Variants in UBR3 observed in about 807,000 individuals in gnomAD.
The protein encoded by UBR3 is E3 ubiquitin-protein ligase UBR3.
A neutral mutation model predicts 243.2 loss-of-function variants in UBR3; 85 were observed. The ratio of observed to expected loss-of-function variants is 0.35; its 90% CI spans 0.29 to 0.42. The LOEUF is 0.42. Among genes scored for constraint, UBR3 ranks in the 10% least tolerant of loss-of-function variants. The pLI is 1.00. For synonymous variants in UBR3, 748 were observed against 799.8 expected (o/e 0.94, Z 1.09); for missense variants, 1,686 against 2,300.8 (o/e 0.73, Z 5.47).
chr2:170,032,692 C>T (rs991593266), intron 31 of UBR3, among the ~76,000 whole-genome samples: 1 of 135,890 alleles, frequency 7.4e-6, no homozygotes, highest in Non-Finnish European at 1.5e-5. Context: ...CAGGTTATAA[C>T]CTTTTGGCAG....
chr2:169,999,580 G>A (rs1479776099), intron 26 of UBR3, among the ~76,000 whole-genome samples: 3 of 152,064 alleles, frequency 2.0e-5, no homozygotes, highest in Non-Finnish European at 4.4e-5. Context: ...ATCATATGTT[G>A]CCAGTCCTGT....
chr2:170,005,924 T>C (rs1028185554), intron 27 of UBR3, among the ~76,000 whole-genome samples: 10 of 152,004 alleles, frequency 6.6e-5, no homozygotes, highest in African/African-American at 2.4e-4. Flanking sequence ...GACAAGGGAA[T>C]GCAGGAGTAA....
intron 1 of UBR3, among the ~76,000 whole-genome samples, chr2:169,861,294 T>A (rs988761518): frequency 2.0e-5 from 3 of 149,166 alleles, no homozygotes; most frequent in African/African-American, 7.3e-5. Flanking sequence ...GTTGCAAACC[T>A]TTTTTCCTAC....
intron 24 of UBR3, among the ~76,000 whole-genome samples, chr2:169,973,515 A>G (rs2105378030): frequency 6.6e-6 from 1 of 152,112 alleles, no homozygotes; most frequent in East Asian, 1.9e-4. Context: ...ACTTCAAACT[A>G]TACTAGAAAC....
intron 11 of UBR3, among the ~76,000 whole-genome samples, chr2:169,918,621 C>T (rs1262473494): frequency 6.6e-6 from 1 of 151,630 alleles, no homozygotes; most frequent in Non-Finnish European, 1.5e-5. Flanking sequence ...TGTGCCTGGC[C>T]AATAATATGT....
At chr2:170,040,057 C>A (rs2090928617) in intron 31 of UBR3, among the ~76,000 whole-genome samples, 3 of 151,822 alleles carry the variant, frequency 2.0e-5, no homozygotes, top group Admixed American at 2.0e-4. Context: ...ATTTTAAGTT[C>A]TGCTTTGGTT....
At chr2:169,915,341 C>A (rs1229482973) in intron 11 of UBR3, among the ~76,000 whole-genome samples, 2 of 152,072 alleles carry the variant, frequency 1.3e-5, no homozygotes, top group Non-Finnish European at 2.9e-5. Context: ...TCAAACAATT[C>A]TCCTGTCTCA....
At chr2:170,077,988 C>T in intron 36 of UBR3, 1 of 641,012 alleles carries the variant, frequency 1.6e-6, no homozygotes, top group East Asian at 3.2e-5. Flanking sequence ...TCGGCTTAAT[C>T]ATACTGGGAA....
At chr2:169,843,495 C>T (rs1040466239) in intron 1 of UBR3, among the ~76,000 whole-genome samples, 1 of 152,206 alleles carries the variant, frequency 6.6e-6, no homozygotes, top group African/African-American at 2.4e-5. Flanking sequence ...CCCAAAGGCC[C>T]TGCCTCTTAA....
chr2:169,926,589 AAAAAAC>A, intron 14 of UBR3, 97 bp from the exon 15 acceptor site: 1 of 183,550 alleles, frequency 5.4e-6, no homozygotes, highest in Non-Finnish European at 1.1e-5. Flanking sequence ...TCTCAAAAAC[AAAAAAC>A]AAAAAACAAA....
chr2:169,994,504 T>C, intron 26 of UBR3, 48 bp downstream of exon 26: 1 of 1,557,422 alleles, frequency 6.4e-7, no homozygotes, highest in Non-Finnish European at 8.8e-7. Flanking sequence ...AGTTGATGGT[T>C]ATTTCCCTCC....
chr2:169,846,820 C>A (rs558776194), intron 1 of UBR3, among the ~76,000 whole-genome samples: 21 of 152,292 alleles, frequency 1.4e-4, no homozygotes, highest in African/African-American at 4.8e-4. Context: ...GCAGTCTTGA[C>A]TTCGTGGGCT....
chr2:169,905,006 G>A, intron 8 of UBR3, 108 bp from the exon 9 acceptor site: 1 of 912,078 alleles, frequency 1.1e-6, no homozygotes, highest in Non-Finnish European at 1.5e-6. Flanking sequence ...GAAGGCTGGG[G>A]TTTGAATTTA....
At chr2:169,884,328 A>G (rs13025202) in intron 5 of UBR3, among the ~76,000 whole-genome samples, 64,292 of 151,608 alleles carry the variant, frequency 0.42, 15,216 homozygotes, top group Non-Finnish European at 0.54. Flanking sequence ...AATTTTTTGT[A>G]TTTTTAGTAG....
chr2:170,009,436 A>G (rs2090019349), intron 29 of UBR3, among the ~76,000 whole-genome samples: 1 of 152,140 alleles, frequency 6.6e-6, no homozygotes, highest in African/African-American at 2.4e-5. Flanking sequence ...GGCATGTTCT[A>G]AACCTCAATT....
At chr2:169,906,463 G>A (rs578180545) in intron 10 of UBR3, among the ~76,000 whole-genome samples, 3 of 152,062 alleles carry the variant, frequency 2.0e-5, no homozygotes, top group South Asian at 2.1e-4. Context: ...CAAGGAGTAG[G>A]ATAGTCCTCA....
intron 32 of UBR3, among the ~76,000 whole-genome samples, chr2:170,046,266 G>A (rs1305057001): frequency 1.3e-5 from 2 of 152,058 alleles, no homozygotes; most frequent in East Asian, 1.9e-4. Flanking sequence ...TGCCCAGCCT[G>A]TAAATTATTT....
At position 170,066,958 on chromosome 2, in the gene UBR3, C is replaced by T. The variant is rs946746960; in HGVS notation, c.5019+5515C>T. On this transcript the variant is annotated intron_variant, in intron 35 of 38. Transcript: ENST00000272793. ...CAGCCTGGGCGACAGAGCGAGACTC[C>T]GTCTCTAAAATAATAATAATAATAA... is the stretch of plus-strand genomic sequence containing the variant. 5.6e-4 allele frequency among the ~76,000 whole-genome samples: 23 copies of T among 41,146 alleles called. No individual in the cohort carries two copies. The South Asian group carries it at 0.01, about 19-fold the overall frequency. The allele number at this position is 41,146 out of a possible 152,430, so 27.0% of individuals were successfully genotyped here. A position where few individuals can be genotyped will look rare whatever the true frequency, so the allele number is the denominator to read the frequency against.
chr2:169,944,928 A>G (rs1263970971), intron 20 of UBR3, among the ~76,000 whole-genome samples: 8 of 152,132 alleles, frequency 5.3e-5, no homozygotes, highest in Non-Finnish European at 7.4e-5. Flanking sequence ...TTTTCTCTCC[A>G]TAACATAGTG....
Sources: gnomAD v4.1 joint callset for allele counts (sites outside exome capture counted in the v4.1 genomes callset) on GRCh38, gnomAD v4.1.1 for gene constraint, MANE v1.5 for transcripts, NCBI Gene and HGNC (gene_info 2026-07-23, HGNC 2026-07-21) for gene names.